The following PIK3CB variants were observed in gnomAD, a reference collection of about 807,000 sequenced individuals.
PIK3CB encodes the protein phosphatidylinositol-4,5-bisphosphate 3-kinase catalytic subunit beta.
In PIK3CB, 39 loss-of-function variants were observed where a neutral mutation model predicts 136.8. The observed-to-expected ratio is 0.29, with a 90% CI of 0.22 to 0.37. The LOEUF (loss-of-function observed/expected upper bound fraction) is 0.37, where lower values mean the gene tolerates loss of function less well. Ranked by LOEUF, PIK3CB falls within the 10% of genes least tolerant of loss-of-function variation. The probability of loss-of-function intolerance (pLI) is 1.00; values close to 1 mark genes in which losing one functional copy is unlikely to be tolerated. For missense variants in PIK3CB, 868 were observed against 1,275.4 expected, an observed-to-expected ratio of 0.68 and a Z score of 4.87; for synonymous variants, 428 against 436.6, an observed-to-expected ratio of 0.98 and a Z score of 0.25.
At chr3:138,692,794 C>T (rs361056) in intron 14 of PIK3CB, among the ~76,000 whole-genome samples, 93,675 of 151,990 alleles carry the variant, frequency 0.62, 29,601 homozygotes, top group East Asian at 0.98. Flanking sequence ...ATAAGCCTCA[C>T]TTTTGAACCT....
At chr3:138,764,361 G>A (rs901113149) in intron 2 of PIK3CB, among the ~76,000 whole-genome samples, 3 of 151,608 alleles carry the variant, frequency 2.0e-5, no homozygotes, top group African/African-American at 7.3e-5. Context: ...TAAGGCAGGA[G>A]GATCACTTGA....
At chr3:138,687,108 T>C (rs2043910552) in intron 16 of PIK3CB, among the ~76,000 whole-genome samples, 1 of 152,164 alleles carries the variant, frequency 6.6e-6, no homozygotes, top group African/African-American at 2.4e-5. Context: ...GTGTCCTGAA[T>C]ACCCCATGGA....
chr3:138,825,848 C>A, intron 1 of PIK3CB: 1 of 1,333,306 alleles, frequency 7.5e-7, no homozygotes, highest in East Asian at 2.3e-5. Flanking sequence ...GGGTGAAGCT[C>A]TTCCTGCAGA....
At chr3:138,787,364 CAAA>C (rs1204151568) in intron 2 of PIK3CB, among the ~76,000 whole-genome samples, 11 of 52,082 alleles carry the variant, frequency 2.1e-4, no homozygotes, top group Admixed American at 4.5e-4. Flanking sequence ...AGACTCCGCT[CAAA>C]AAAAAAAAAA....
intron 9 of PIK3CB, among the ~76,000 whole-genome samples, chr3:138,713,976 T>C (rs1559835407): frequency 6.6e-6 from 1 of 152,218 alleles, no homozygotes; most frequent in Non-Finnish European, 1.5e-5. Context: ...TTAGTGTGAA[T>C]ACTGATATAT....
intron 16 of PIK3CB, among the ~76,000 whole-genome samples, chr3:138,686,886 T>C (rs1162913276): frequency 3.3e-5 from 5 of 152,170 alleles, no homozygotes; most frequent in African/African-American, 9.7e-5. Flanking sequence ...ACTTACCAAG[T>C]TAGCCATCTG....
At position 138,707,150 on chromosome 3, in the gene PIK3CB, T is replaced by G; in HGVS notation, c.1530+9A>C. 1 of 1,470,954 alleles carries G rather than the reference T, an allele frequency of 6.8e-7. No individual in the cohort carries two copies. Among genetic ancestry groups the G allele is most frequent in the Non-Finnish European group, 9.5e-7 (1 of 1,050,760 alleles). The allele number at this position is 1,470,954 out of a possible 1,614,324, so 91.1% of individuals were successfully genotyped here. The stretch of plus-strand genomic sequence containing the variant: ...TCATGCATAGAGGTCCTTTAAATAA[T>G]TAGCTTACCTTATCGAAGGGAGGGT... On this transcript the variant is annotated intron_variant, in intron 11 of 23. Transcript: ENST00000674063.
At chr3:138,664,782 T>A (rs2043370623) in intron 20 of PIK3CB, among the ~76,000 whole-genome samples, 1 of 152,222 alleles carries the variant, frequency 6.6e-6, no homozygotes. Context: ...GTATGTTATC[T>A]TTAAATACTT....
At position 138,733,419 on chromosome 3, in the gene PIK3CB, T is replaced by C; in HGVS notation, c.992A>G (p.Asn331Ser). 1 of 1,551,154 alleles carries C rather than the reference T, an allele frequency of 6.4e-7. No individual in the cohort carries two copies. Among genetic ancestry groups the C allele is most frequent in the Non-Finnish European group, 8.9e-7 (1 of 1,126,024 alleles). The change falls in exon 8 of 24, where the codon AAC becomes AGC. Residue 331 changes from asparagine (N) to serine (S), a missense_variant. Asn to Ser is a conservative substitution (Grantham distance 46). This residue lies in a region of PIK3CB where 612 missense variants were observed against 801.1 expected (regional missense o/e 0.76). Transcript: ENST00000674063. ...RIISHVWENN[N>S]PFQIVLVKGN... ...CTTAACCAAGACAATTTGGAAAGGG[T>C]TGTTATTTTCCCAAACATGCTGTAA...
rs373161912 is a variant in PIK3CB, at chr3:138,694,848, C to T, written c.1830G>A (p.Leu610=). 6.8e-6 allele frequency: 11 copies of T among 1,613,170 alleles called. No individual in the cohort carries two copies. The African/African-American group carries it at 1.5e-4, about 22-fold the overall frequency. ...KLPPREALEL[L]DFNYPDQYVR... Reference sequence around the variant, plus strand: ...CGTACTGGTCTGGATAGTTGAAATCCAGAAGCTCTAGGGCCTCCCGGGGGG... The same window carrying T: ...CGTACTGGTCTGGATAGTTGAAATCTAGAAGCTCTAGGGCCTCCCGGGGGG... The change falls in exon 14 of 24, where the codon CTG becomes CTA. Residue 610 remains leucine, a synonymous_variant. Transcript: ENST00000674063.
chr3:138,752,042 T>C (rs964471874), intron 4 of PIK3CB, among the ~76,000 whole-genome samples: 45 of 150,498 alleles, frequency 3.0e-4, no homozygotes, highest in African/African-American at 1.1e-3. Context: ...CAGGTTTAGA[T>C]AGGTCAGGAG....
rs1342166058 is a variant in PIK3CB at position 138,705,162 on chromosome 3, AAAAAAAAAAAACAAAAAACAAAACAAAC to A, written c.1531-697_1531-670del. Among the ~76,000 whole-genome samples the A allele has an allele frequency of 3.6e-4, 36 of 99,678 alleles. 4 individuals carry two copies. The highest frequency in any genetic ancestry group is 3.5e-3 in the East Asian group (4 of 1,138). The allele number at this position is 99,678 out of a possible 152,430, so 65.4% of individuals were successfully genotyped here. A position where few individuals can be genotyped will look rare whatever the true frequency, so the allele number is the denominator to read the frequency against. On this transcript the variant is annotated intron_variant, in intron 11 of 23. Coordinates refer to ENST00000674063, the MANE Select transcript of PIK3CB (RefSeq NM_006219.3). ...TCCAAGAGATTAGAAAGGCAAAAAAAAAAAAAAAAAACAAAAAACAAAACAAACAAAAAAAAAAACTTATATTTGCAAA... is the reference window on the plus strand; with the variant it reads ...TCCAAGAGATTAGAAAGGCAAAAAAAAAAAAAAAAAACTTATATTTGCAAA...
At chr3:138,708,810 G>C (rs2044434318) in intron 10 of PIK3CB, among the ~76,000 whole-genome samples, 1 of 151,880 alleles carries the variant, frequency 6.6e-6, no homozygotes, top group African/African-American at 2.4e-5. Context: ...TCATACTTCT[G>C]CTCTCTAGTA....
intron 8 of PIK3CB, among the ~76,000 whole-genome samples, chr3:138,717,596 T>A (rs1002988086): frequency 7.2e-5 from 11 of 152,290 alleles, no homozygotes; most frequent in Admixed American, 3.3e-4. Context: ...ATAGGTAAGC[T>A]GTTGTCACAG....
chr3:138,794,331 A>G (rs2046085653), intron 2 of PIK3CB, among the ~76,000 whole-genome samples: 2 of 152,206 alleles, frequency 1.3e-5, no homozygotes, highest in Non-Finnish European at 2.9e-5. Context: ...GTTTTATTGA[A>G]GATGAATTAC....
chr3:138,733,655 G>C (rs1269501400), intron 7 of PIK3CB, among the ~76,000 whole-genome samples: 4 of 152,046 alleles, frequency 2.6e-5, no homozygotes, highest in Non-Finnish European at 5.9e-5. Context: ...GAGGCAGGTG[G>C]ATCATGAGGT....
intron 1 of PIK3CB, chr3:138,797,022 G>A (rs756269474): frequency 1.3e-5 from 2 of 152,348 alleles, no homozygotes; most frequent in Admixed American, 1.3e-4. Flanking sequence ...AGAAAAACAC[G>A]CTTAATCCTG....
intron 16 of PIK3CB, among the ~76,000 whole-genome samples, chr3:138,687,006 T>C (rs1383002894): frequency 6.6e-6 from 1 of 152,208 alleles, no homozygotes; most frequent in Non-Finnish European, 1.5e-5. Context: ...TTTTTACAAG[T>C]ATGTGAAATT....
intron 1 of PIK3CB, chr3:138,824,920 C>T (rs1471361183): frequency 2.0e-5 from 3 of 150,530 alleles, no homozygotes; most frequent in Non-Finnish European, 4.3e-5. Flanking sequence ...AAAAAGTTAG[C>T]TGGGCATAAT....
Sources: allele counts gnomAD v4.1 joint callset (sites outside exome capture counted in the v4.1 genomes callset), GRCh38; gene constraint gnomAD v4.1.1; regional missense constraint gnomAD v4.1.1; transcripts MANE v1.5; gene names NCBI Gene and HGNC (gene_info 2026-07-23, HGNC 2026-07-21).